The following LRRC10 variants were observed in gnomAD, a reference collection of about 807,000 sequenced individuals.
The protein encoded by LRRC10 is leucine rich repeat containing 10.
In LRRC10, 6 loss-of-function variants were observed where a neutral mutation model predicts 11.1. That is an observed-to-expected ratio of 0.54 (90% CI 0.30 to 1.07). The LOEUF (loss-of-function observed/expected upper bound fraction) is 1.07. Ranked by LOEUF, LRRC10 falls within the 50% of genes least tolerant of loss-of-function variation. The pLI, the probability that LRRC10 is intolerant of heterozygous loss-of-function variation, is 0.07. For missense variants in LRRC10, 320 were observed against 355.5 expected (o/e 0.90, Z 0.80); for synonymous variants, 145 against 153.6 (o/e 0.94, Z 0.41).
chr12:69,610,067 C>A lies in LRRC10; in HGVS notation c.772G>T (p.Val258Phe). 1 of 1,614,234 alleles carries A rather than the reference C, an allele frequency of 6.2e-7. No homozygotes were observed. The highest frequency in any genetic ancestry group is 8.5e-7 in the Non-Finnish European group (1 of 1,180,046). Residue 258 changes from valine to phenylalanine, a missense_variant, in exon 1 of 1, where the codon GTC becomes TTC. Coordinates refer to ENST00000361484, the MANE Select transcript of LRRC10 (RefSeq NM_201550.4). The stretch of plus-strand genomic sequence containing the variant: ...TGTAGCTCCTGGCTTTCCTCTCTGA[C>A]CAACGCATAGCGCCTGGCTTTTCTA... The part of the protein sequence containing the change: ...DPRKARRYAL[V>F]REESQELQAP...
At position 69,610,656 on chromosome 12, in the gene LRRC10, G is replaced by T. The variant is rs771668401; in HGVS notation, c.183C>A (p.Asp61Glu). 2.5e-6 allele frequency: 4 copies of T among 1,614,158 alleles called. No homozygotes were observed. The highest frequency in any genetic ancestry group is 3.3e-4 in the Middle Eastern group (2 of 6,062). ...CCGGAGGCAGGCTATTGAGGTGGTT[G>T]TCGCTCAGGTAGAGCTTGACCAGCT... ...FRELVKLYLS[D>E]NHLNSLPPEL... is the part of the protein sequence containing the mutation. The change falls in exon 1 of 1, where the codon GAC becomes GAA. Residue 61 changes from aspartate to glutamate, a missense_variant. Physicochemically the swap from Asp to Glu is conservative, Grantham distance 45 (BLOSUM62 2). Coordinates refer to ENST00000361484, the MANE Select transcript of LRRC10 (RefSeq NM_201550.4).
chr12:69,610,252 T>A lies in LRRC10; in HGVS notation c.587A>T (p.Asp196Val). The A allele has an allele frequency of 6.2e-7, 1 of 1,614,124 alleles. No individual in the cohort carries two copies. Among genetic ancestry groups the A allele is most frequent in the Non-Finnish European group, 8.5e-7 (1 of 1,180,022 alleles). ...GTAACGGATGCTGTTCCAGTCCACA[T>A]CAATCACCTCCAGGAAGGGCATGTG... Reference protein sequence around the residue: ...LLHMPFLEVIDVDWNSIRYFP... With the variant: ...LLHMPFLEVIVVDWNSIRYFP... Residue 196 changes from aspartate to valine, a missense_variant, in exon 1 of 1, where the codon GAT (aspartate) becomes GTT (valine). Coordinates refer to ENST00000361484, the MANE Select transcript of LRRC10 (RefSeq NM_201550.4).
chr12:69,610,789 C>G lies in LRRC10; in HGVS notation c.50G>C (p.Cys17Ser), dbSNP rs757642464. The change falls in exon 1 of 1, where the codon TGC becomes TCC. Residue 17 changes from cysteine to serine, a missense_variant. Transcript: ENST00000361484. ...GAGGTCCCTGACCACATAGTTCTGG[C>G]AACGGTCAGCAGGGATGAAGGCCAC... ...ALVAFIPADR[C>S]QNYVVRDLRE... The G allele has an allele frequency of 3.7e-6, 6 of 1,613,426 alleles. 1 individual carries two copies. Among genetic ancestry groups the G allele is most frequent in the Non-Finnish European group, 5.1e-6 (6 of 1,179,760 alleles).
At position 69,610,507 on chromosome 12, in the gene LRRC10, CAG is replaced by C. The variant is rs1882357043; in HGVS notation, c.330_331del (p.Cys111ArgfsTer5). On this transcript the variant is annotated frameshift_variant, in exon 1 of 1. Transcript: ENST00000361484. LOFTEE classifies it high-confidence loss of function. ...CAGGCTCAGCTCACTGGGGAGGTCG[CAG>C]AGTTTGTTGTTGCCCAGGTAGAGGA... 1.2e-6 allele frequency: 2 copies of C among 1,614,020 alleles called. No individual in the cohort carries two copies. The highest frequency in any genetic ancestry group is 1.7e-5 in the Admixed American group (1 of 60,010).
rs1218533933 is a variant in LRRC10 at position 69,609,222 on chromosome 12, T to C, written c.*783A>G. On this transcript the variant is annotated 3_prime_UTR_variant, in exon 1 of 1. Transcript: ENST00000361484. ...CATCTCTACGAAAAAATTAAAGACT[T>C]AGCCAGGTGTGCACATCTGTAGTAC... is the stretch of plus-strand genomic sequence containing the variant. 6.6e-6 allele frequency: 1 copy of C among 152,258 alleles called. No individual in the cohort carries two copies. Among genetic ancestry groups the C allele is most frequent in the Non-Finnish European group, 1.5e-5 (1 of 68,160 alleles). The allele number at this position is 152,258 out of a possible 1,614,324, so 9.4% of individuals were successfully genotyped here.
rs1469790077 is a variant in LRRC10 at position 69,609,448 on chromosome 12, A to G, written c.*557T>C. 6.5e-6 allele frequency: 1 copy of G among 152,910 alleles called. No homozygotes were observed. Among genetic ancestry groups the G allele is most frequent in the African/African-American group, 2.4e-5 (1 of 41,436 alleles). The allele number at this position is 152,910 out of a possible 1,614,324, so 9.5% of individuals were successfully genotyped here. A position where few individuals can be genotyped will look rare whatever the true frequency, so the allele number is the denominator to read the frequency against. The stretch of plus-strand genomic sequence containing the variant: ...TCAGCAGGCACTAAACTGCTGGGGA[A>G]AGAGTTTCATCTTGAGCCTTTACAA... On this transcript the variant is annotated 3_prime_UTR_variant, in exon 1 of 1. Transcript: ENST00000361484.
Position 69,610,535 on chromosome 12 carries a change from T to C in LRRC10, c.304A>G (p.Ile102Val), listed in dbSNP as rs747099539. The change falls in exon 1 of 1, where the codon ATC becomes GTC. Residue 102 changes from isoleucine to valine, a missense_variant. Coordinates refer to ENST00000361484, the MANE Select transcript of LRRC10 (RefSeq NM_201550.4). The part of the protein sequence containing the change: ...QVVCTLKQLC[I>V]LYLGNNKLCD... ...AGTTTGTTGTTGCCCAGGTAGAGGA[T>C]GCAGAGCTGTTTCAAGGTGCACACC... The C allele has an allele frequency of 6.2e-7, 1 of 1,614,124 alleles. No individual in the cohort carries two copies. The highest frequency in any genetic ancestry group is 8.5e-7 in the Non-Finnish European group (1 of 1,180,026).
chr12:69,610,051 T>G lies in LRRC10; in HGVS notation c.788A>C (p.Gln263Pro). The change falls in exon 1 of 1, where the codon CAG (glutamine) becomes CCG (proline). Residue 263 changes from glutamine (Q) to proline (P), a missense_variant. Coordinates refer to ENST00000361484, the MANE Select transcript of LRRC10 (RefSeq NM_201550.4). Reference protein sequence around the residue: ...RRYALVREESQELQAPVPLLP... With the variant: ...RRYALVREESPELQAPVPLLP... ...TAGAGGGACTGGTGCCTGTAGCTCC[T>G]GGCTTTCCTCTCTGACCAACGCATA... 6.2e-7 allele frequency: 1 copy of G among 1,614,236 alleles called. No homozygotes were observed. The highest frequency in any genetic ancestry group is 1.1e-5 in the South Asian group (1 of 91,088).
In LRRC10 at chr12:69,608,712, A is replaced by C. The variant is rs1317066155; in HGVS notation, c.*1293T>G. The C allele has an allele frequency of 6.6e-6, 1 of 152,236 alleles. No homozygotes were observed. The highest frequency in any genetic ancestry group is 1.5e-5 in the Non-Finnish European group (1 of 68,040). The allele number at this position is 152,236 out of a possible 1,614,324, so 9.4% of individuals were successfully genotyped here. A position where few individuals can be genotyped will look rare whatever the true frequency, so the allele number is the denominator to read the frequency against. ...GAGATACTAGGCGAAAGAGGCAGAG[A>C]CTTCCTATATACACTACAACTTCCT... On this transcript the variant is annotated 3_prime_UTR_variant, in exon 1 of 1. Coordinates refer to ENST00000361484, the MANE Select transcript of LRRC10 (RefSeq NM_201550.4).
chr12:69,610,862 C>T lies in LRRC10; in HGVS notation c.-24G>A, dbSNP rs1380601837. On this transcript the variant is annotated 5_prime_UTR_variant, in exon 1 of 1. Transcript: ENST00000361484. The stretch of plus-strand genomic sequence containing the variant: ...ATGCGGAGGCTGGGGGCATGGCGAG[C>T]CCCAGAGGACAGACTCACTGAGCGG... 3 of 1,534,270 alleles carry T rather than the reference C, an allele frequency of 2.0e-6. No homozygotes were observed. Among genetic ancestry groups the T allele is most frequent in the South Asian group, 2.5e-5 (2 of 79,242 alleles).
rs200125954 is a variant in LRRC10, at chr12:69,608,645, C to T, written c.*1360G>A. On this transcript the variant is annotated 3_prime_UTR_variant, in exon 1 of 1. Transcript: ENST00000361484. ...CAAAATACCTTGGTTTATACATTGT[C>T]AAAACAGTCTGTAAAAATCAAAACA... 5.9e-5 allele frequency: 9 copies of T among 152,176 alleles called. No homozygotes were observed. The highest frequency in any genetic ancestry group is 2.9e-5 in the Non-Finnish European group (2 of 68,026). The allele number at this position is 152,176 out of a possible 1,614,324, so 9.4% of individuals were successfully genotyped here.
In LRRC10 at chr12:69,610,543, T is replaced by C. The variant is rs777092382; in HGVS notation, c.296A>G (p.Gln99Arg). Residue 99 changes from glutamine to arginine, a missense_variant, in exon 1 of 1, where the codon CAG becomes CGG. Physicochemically the swap from Gln to Arg is conservative, Grantham distance 43. Coordinates refer to ENST00000361484, the MANE Select transcript of LRRC10 (RefSeq NM_201550.4). ...GTTGCCCAGGTAGAGGATGCAGAGC[T>C]GTTTCAAGGTGCACACCACCTGGGG... ...ALPQVVCTLK[Q>R]LCILYLGNNK... The C allele has an allele frequency of 4.3e-6, 7 of 1,613,978 alleles. No homozygotes were observed. Among genetic ancestry groups the C allele is most frequent in the Non-Finnish European group, 1.7e-6 (2 of 1,180,040 alleles).
At position 69,610,160 on chromosome 12, in the gene LRRC10, C is replaced by T. The variant is rs778412060; in HGVS notation, c.679G>A (p.Ala227Thr). The change falls in exon 1 of 1, where the codon GCA becomes ACA. Residue 227 changes from alanine to threonine, a missense_variant. By Grantham distance (58) the Ala-to-Thr change is moderately conservative (BLOSUM62 0). Transcript: ENST00000361484. ...VIYDHNPCRN[A>T]PKVAKGVRRV... ...CGCACACCTTTGGCCACCTTGGGTG[C>T]GTTCCTGCAAGGATTGTGGTCATAG... The T allele has an allele frequency of 5.0e-6, 8 of 1,614,128 alleles. No homozygotes were observed. In the African/African-American group the frequency reaches 5.3e-5, roughly 11 times the overall value.
Position 69,610,121 on chromosome 12 carries a change from A to C in LRRC10, c.718T>G (p.Trp240Gly), listed in dbSNP as rs1278027435. ...TCGGGCTCTGGCGTCTCCTCTGCCCATCTCCCCACACGGCGCACACCTTTG... is the reference window on the plus strand; with the variant it reads ...TCGGGCTCTGGCGTCTCCTCTGCCCCTCTCCCCACACGGCGCACACCTTTG... ...VAKGVRRVGR[W>G]AEETPEPDPR... The change falls in exon 1 of 1, where the codon TGG (tryptophan) becomes GGG (glycine). Residue 240 changes from tryptophan (W) to glycine (G), a missense_variant. Trp to Gly is a radical substitution (Grantham distance 184, BLOSUM62 -2). Transcript: ENST00000361484. The C allele has an allele frequency of 6.2e-7, 1 of 1,614,032 alleles. No individual in the cohort carries two copies. The highest frequency in any genetic ancestry group is 1.1e-5 in the South Asian group (1 of 91,084).
At position 69,608,833 on chromosome 12, in the gene LRRC10, C is replaced by T. The variant is rs1882314576; in HGVS notation, c.*1172G>A. ...TGGAAATGTGGTTTTCCTCCAAGGACAGGGATTCAATTTAGCTCAGCTCTG... is the reference window on the plus strand; with the variant it reads ...TGGAAATGTGGTTTTCCTCCAAGGATAGGGATTCAATTTAGCTCAGCTCTG... On this transcript the variant is annotated 3_prime_UTR_variant, in exon 1 of 1. Transcript: ENST00000361484. 2 of 152,214 alleles carry T rather than the reference C, an allele frequency of 1.3e-5. No homozygotes were observed. The highest frequency in any genetic ancestry group is 4.1e-4 in the South Asian group (2 of 4,832). 9.4% of individuals were successfully genotyped at this position (152,214 alleles called of 1,614,324 possible). A position where few individuals can be genotyped will look rare whatever the true frequency, so the allele number is the denominator to read the frequency against.
Position 69,609,914 on chromosome 12 carries a change from A to G in LRRC10, c.*91T>C. The G allele has an allele frequency of 7.9e-7, 1 of 1,272,344 alleles. No homozygotes were observed. The highest frequency in any genetic ancestry group is 1.1e-6 in the Non-Finnish European group (1 of 915,344). 78.8% of individuals were successfully genotyped at this position (1,272,344 alleles called of 1,614,324 possible). A position where few individuals can be genotyped will look rare whatever the true frequency, so the allele number is the denominator to read the frequency against. ...TCTCTACTAGCAGAGCCACTCCCAA[A>G]TGACCCAGAGCCATCCTTTCCACTC... is the stretch of plus-strand genomic sequence containing the variant. On this transcript the variant is annotated 3_prime_UTR_variant, in exon 1 of 1. Coordinates refer to ENST00000361484, the MANE Select transcript of LRRC10 (RefSeq NM_201550.4).
rs2135869126 is a variant in LRRC10, at chr12:69,610,334, G to A, written c.505C>T (p.Leu169=). 6.2e-7 allele frequency: 1 copy of A among 1,613,464 alleles called. No homozygotes were observed. The highest frequency in any genetic ancestry group is 8.5e-7 in the Non-Finnish European group (1 of 1,179,572). The part of the protein sequence containing the change: ...LPGQLRRLQE[L]RTIWLSGNRL... ...TTGCCCGAGAGCCAGATGGTCCTCAGCTCCTGGAGGCGCCGGAGCTGGCCT... is the reference window on the plus strand; with the variant it reads ...TTGCCCGAGAGCCAGATGGTCCTCAACTCCTGGAGGCGCCGGAGCTGGCCT... The change falls in exon 1 of 1, where the codon CTG becomes TTG. Residue 169 remains leucine (L), a synonymous_variant. Transcript: ENST00000361484.
In LRRC10 at chr12:69,610,507, C is replaced by T; in HGVS notation, c.332G>A (p.Cys111Tyr). 1 of 1,614,138 alleles carries T rather than the reference C, an allele frequency of 6.2e-7. No individual in the cohort carries two copies. The highest frequency in any genetic ancestry group is 8.5e-7 in the Non-Finnish European group (1 of 1,180,032). Residue 111 changes from cysteine (C) to tyrosine (Y), a missense_variant, in exon 1 of 1, where the codon TGC (cysteine) becomes TAC (tyrosine). Physicochemically the swap from Cys to Tyr is radical, Grantham distance 194. Coordinates refer to ENST00000361484, the MANE Select transcript of LRRC10 (RefSeq NM_201550.4). ...CAGGCTCAGCTCACTGGGGAGGTCG[C>T]AGAGTTTGTTGTTGCCCAGGTAGAG... ...CILYLGNNKL[C>Y]DLPSELSLLQ...
In LRRC10 at chr12:69,610,627, A is replaced by C. The variant is rs1289016322; in HGVS notation, c.212T>G (p.Leu71Arg). 1 of 1,614,088 alleles carries C rather than the reference A, an allele frequency of 6.2e-7. No homozygotes were observed. Among genetic ancestry groups the C allele is most frequent in the Non-Finnish European group, 8.5e-7 (1 of 1,180,038 alleles). Residue 71 changes from leucine (L) to arginine (R), a missense_variant, in exon 1 of 1, where the codon CTG becomes CGG. Coordinates refer to ENST00000361484, the MANE Select transcript of LRRC10 (RefSeq NM_201550.4). ...AATCTGCAGGTTCTGTAGCTGCCCCAGCTCCGGAGGCAGGCTATTGAGGTG... is the reference window on the plus strand; with the variant it reads ...AATCTGCAGGTTCTGTAGCTGCCCCCGCTCCGGAGGCAGGCTATTGAGGTG... ...DNHLNSLPPE[L>R]GQLQNLQILA...
Sources: allele counts gnomAD v4.1 joint callset, GRCh38; gene constraint gnomAD v4.1.1; transcripts MANE v1.5; gene names NCBI Gene and HGNC (gene_info 2026-07-23, HGNC 2026-07-21).